CDK5RAP2: variants seen among roughly 807,000 people sequenced by gnomAD.
The protein encoded by CDK5RAP2 is CDK5 regulatory subunit-associated protein 2.
A neutral mutation model predicts 232.9 loss-of-function variants in CDK5RAP2; 147 were observed. The observed-to-expected ratio is 0.63, with a 90% confidence interval of 0.55 to 0.72. The LOEUF (loss-of-function observed/expected upper bound fraction) is 0.72, where lower values mean the gene tolerates loss of function less well. Ranked by LOEUF, CDK5RAP2 falls within the 30% of genes least tolerant of loss-of-function variation. The probability of loss-of-function intolerance (pLI) is 0.00; values close to 1 mark genes in which losing one functional copy is unlikely to be tolerated. For missense variants in CDK5RAP2, 2,195 were observed against 2,231.5 expected (o/e 0.98, Z 0.33); for synonymous variants, 833 against 833.7 (o/e 1.00, Z 0.01).
intron 25 of CDK5RAP2, among the ~76,000 whole-genome samples, chr9:120,436,792 A>G (rs1422821892): frequency 6.6e-6 from 1 of 152,196 alleles, no homozygotes; most frequent in East Asian, 1.9e-4. Context: ...TAAAAATTTT[A>G]CCTAGCACAT....
chr9:120,487,726 G>A (rs1392165336), intron 13 of CDK5RAP2, among the ~76,000 whole-genome samples: 1 of 152,152 alleles, frequency 6.6e-6, no homozygotes, highest in African/African-American at 2.4e-5. Context: ...CCTTCCAGTG[G>A]GTGTGGAGGA....
At chr9:120,467,031 G>A (rs1023902122) in intron 18 of CDK5RAP2, among the ~76,000 whole-genome samples, 3 of 152,146 alleles carry the variant, frequency 2.0e-5, no homozygotes, top group Admixed American at 1.3e-4. Flanking sequence ...TGCTTCCTAC[G>A]AGAGAGTCAG....
chr9:120,394,687 G>A lies in CDK5RAP2; in HGVS notation c.5452-49C>T, dbSNP rs761923626. On this transcript the variant is annotated intron_variant, in intron 35 of 37. Coordinates refer to ENST00000349780, the MANE Select transcript of CDK5RAP2 (RefSeq NM_018249.6). Reference sequence around the variant, plus strand: ...AATGAACAAAGAACATAAACATCATGTTACACAGGAAGAATTACAAAGCCA... The same window carrying A: ...AATGAACAAAGAACATAAACATCATATTACACAGGAAGAATTACAAAGCCA... 3 of 1,381,710 alleles carry A rather than the reference G, an allele frequency of 2.2e-6. No individual in the cohort carries two copies. The South Asian group carries it at 3.5e-5, about 16-fold the overall frequency. The allele number at this position is 1,381,710 out of a possible 1,614,324, so 85.6% of individuals were successfully genotyped here.
intron 29 of CDK5RAP2, among the ~76,000 whole-genome samples, chr9:120,409,585 C>G (rs1482047506): frequency 6.6e-6 from 1 of 152,224 alleles, no homozygotes; most frequent in East Asian, 1.9e-4. Flanking sequence ...CTTCACAGAG[C>G]AAACAGTGGG....
chr9:120,579,445 T>C (rs1307703543), intron 1 of CDK5RAP2, among the ~76,000 whole-genome samples: 1 of 152,196 alleles, frequency 6.6e-6, no homozygotes, highest in Non-Finnish European at 1.5e-5. Flanking sequence ...TGTCCAACTC[T>C]AGCCAAGGTT....
intron 12 of CDK5RAP2, among the ~76,000 whole-genome samples, chr9:120,497,449 A>AG (rs2039358702): frequency 7.1e-6 from 1 of 141,278 alleles, no homozygotes; most frequent in Non-Finnish European, 1.6e-5. Flanking sequence ...AAAAAAAAAA[A>AG]AAAAAGAATC....
Position 120,580,147 on chromosome 9 carries a change from G to A in CDK5RAP2, c.-169C>T, listed in dbSNP as rs1159145640. 13 of 586,706 alleles carry A rather than the reference G, an allele frequency of 2.2e-5. No homozygotes were observed. The highest frequency in any genetic ancestry group is 5.6e-5 in the African/African-American group (3 of 53,106). The allele number at this position is 586,706 out of a possible 1,614,324, so 36.3% of individuals were successfully genotyped here. Reference sequence around the variant, plus strand: ...AACCACAGACGCCGCCATCTTTCCCGGCGCTTCTTCCTACGGAAACGAGGC... The same window carrying A: ...AACCACAGACGCCGCCATCTTTCCCAGCGCTTCTTCCTACGGAAACGAGGC... On this transcript the variant is annotated 5_prime_UTR_variant, in exon 1 of 38. Coordinates refer to ENST00000349780, the MANE Select transcript of CDK5RAP2 (RefSeq NM_018249.6).
chr9:120,448,126 C>A lies in CDK5RAP2; in HGVS notation c.2794G>T (p.Glu932Ter). 1 of 1,607,288 alleles carries A rather than the reference C, an allele frequency of 6.2e-7. No individual in the cohort carries two copies. Among genetic ancestry groups the A allele is most frequent in the Non-Finnish European group, 8.5e-7 (1 of 1,173,748 alleles). Residue 932 changes from glutamate (E) to a stop codon, truncating the protein, a stop_gained and splice_region_variant, in exon 22 of 38, where the codon GAG becomes TAG. Transcript: ENST00000349780. LOFTEE classifies it high-confidence loss of function. ...LLSLPGITNR[E>*]AKKSRLPILI... ...ATTGGCAAGCGGGACTTCTTAGCCT[C>A]CTGAAAACACACATATGCAACAATG...
At chr9:120,466,617 T>C (rs1424010052) in intron 18 of CDK5RAP2, among the ~76,000 whole-genome samples, 1 of 152,220 alleles carries the variant, frequency 6.6e-6, no homozygotes, top group Non-Finnish European at 1.5e-5. Flanking sequence ...TGGTGAAGAA[T>C]GCTGCCTTGG....
chr9:120,569,468 A>G lies in CDK5RAP2; in HGVS notation c.128-1080T>C, dbSNP rs951369122. ...AGGTAAGGTGGTTAAGGAAGGTCTCAATGAGAAGGTGACATCTGGGCAGAC... is the reference window on the plus strand; with the variant it reads ...AGGTAAGGTGGTTAAGGAAGGTCTCGATGAGAAGGTGACATCTGGGCAGAC... On this transcript the variant is annotated intron_variant, in intron 2 of 37. Transcript: ENST00000349780. 2.0e-5 allele frequency among the ~76,000 whole-genome samples: 3 copies of G among 150,424 alleles called. No individual in the cohort carries two copies. The Admixed American group carries it at 2.0e-4, about 10-fold the overall frequency.
At chr9:120,567,756 C>T (rs1453120415) in intron 3 of CDK5RAP2, among the ~76,000 whole-genome samples, 4 of 152,232 alleles carry the variant, frequency 2.6e-5, no homozygotes, top group African/African-American at 9.6e-5. Context: ...CTTCAAAATG[C>T]AAGGGGAGGC....
chr9:120,545,896 G>GTAAA, intron 4 of CDK5RAP2, 106 bp from the exon 5 acceptor site: 1 of 864,258 alleles, frequency 1.2e-6, no homozygotes, highest in Non-Finnish European at 1.9e-6. Flanking sequence ...CAGGATGCTT[G>GTAAA]TAATAGGCAG....
intron 1 of CDK5RAP2, among the ~76,000 whole-genome samples, chr9:120,576,868 G>A (rs926360559): frequency 6.6e-6 from 1 of 152,014 alleles, no homozygotes; most frequent in South Asian, 2.1e-4. Context: ...TTGAGCCCAG[G>A]AATTTAAGAC....
At chr9:120,578,819 G>A (rs561651194) in intron 1 of CDK5RAP2, among the ~76,000 whole-genome samples, 66 of 152,082 alleles carry the variant, frequency 4.3e-4, no homozygotes, top group African/African-American at 1.4e-3. Flanking sequence ...GGCCCACCTC[G>A]GCCTCCCCAA....
intron 21 of CDK5RAP2, among the ~76,000 whole-genome samples, chr9:120,452,366 T>A (rs2036525070): frequency 6.6e-6 from 1 of 152,150 alleles, no homozygotes; most frequent in Non-Finnish European, 1.5e-5. Flanking sequence ...TAATGATATA[T>A]CTAACTCTCT....
At chr9:120,410,900 A>C (rs2033806485) in intron 29 of CDK5RAP2, among the ~76,000 whole-genome samples, 1 of 152,242 alleles carries the variant, frequency 6.6e-6, no homozygotes, top group African/African-American at 2.4e-5. Flanking sequence ...CCAAGCTCCA[A>C]ATAGAAGGAA....
intron 12 of CDK5RAP2, among the ~76,000 whole-genome samples, chr9:120,497,738 T>C (rs1452718939): frequency 1.3e-5 from 2 of 152,106 alleles, no homozygotes; most frequent in African/African-American, 2.4e-5. Context: ...CATGAGAGTG[T>C]TGGGAGAAAA....
intron 12 of CDK5RAP2, among the ~76,000 whole-genome samples, chr9:120,507,940 AAAATATATAT>A (rs2039904833): frequency 3.6e-5 from 1 of 27,900 alleles, no homozygotes. Flanking sequence ...AAAAAAAAAA[AAAATATATAT>A]ATATATATAT....
At position 120,470,239 on chromosome 9, in the gene CDK5RAP2, A is replaced by C; in HGVS notation, c.1859-19T>G. The C allele has an allele frequency of 1.6e-6, 2 of 1,270,276 alleles. No individual in the cohort carries two copies. The highest frequency in any genetic ancestry group is 2.2e-6 in the Non-Finnish European group (2 of 895,420). 78.7% of individuals were successfully genotyped at this position (1,270,276 alleles called of 1,614,324 possible). A position where few individuals can be genotyped will look rare whatever the true frequency, so the allele number is the denominator to read the frequency against. Reference sequence around the variant, plus strand: ...GATTCTTCTGCCCAAAAAAGAAAAAAAAAAGGTGGGGAGGGGGAGGAGAAA... The same window carrying C: ...GATTCTTCTGCCCAAAAAAGAAAAACAAAAGGTGGGGAGGGGGAGGAGAAA... On this transcript the variant is annotated intron_variant, in intron 16 of 37. Transcript: ENST00000349780.
Sources: allele counts gnomAD v4.1 joint callset (sites outside exome capture counted in the v4.1 genomes callset), GRCh38; gene constraint gnomAD v4.1.1; transcripts MANE v1.5; gene names NCBI Gene and HGNC (gene_info 2026-07-23, HGNC 2026-07-21).